Variants in TTC28 observed in about 807,000 individuals in gnomAD.
The protein encoded by TTC28 is tetratricopeptide repeat protein 28.
In TTC28, 61 loss-of-function variants were observed where a neutral mutation model predicts 198.0. The observed-to-expected ratio is 0.31, with a 90% CI of 0.25 to 0.38. The LOEUF (loss-of-function observed/expected upper bound fraction) is 0.38, where lower values mean the gene tolerates loss of function less well. Among genes scored for constraint, TTC28 ranks in the 10% least tolerant of loss-of-function variants. The probability of loss-of-function intolerance (pLI) is 1.00; values close to 1 mark genes in which losing one functional copy is unlikely to be tolerated. For missense variants in TTC28, 2,678 were observed against 3,164.0 expected, an observed-to-expected ratio of 0.85 and a Z score of 3.69; for synonymous variants, 1,171 against 1,297.8, an observed-to-expected ratio of 0.90 and a Z score of 2.10.
chr22:28,411,579 T>C (rs1013638602), intron 2 of TTC28, among the ~76,000 whole-genome samples: 2 of 152,174 alleles, frequency 1.3e-5, no homozygotes, highest in African/African-American at 4.8e-5. Flanking sequence ...AACTACATCC[T>C]TTCCAAAAAG....
chr22:28,631,541 T>A (rs959228305), intron 1 of TTC28, among the ~76,000 whole-genome samples: 4 of 152,178 alleles, frequency 2.6e-5, no homozygotes, highest in Admixed American at 1.3e-4. Flanking sequence ...TGGGTTTTTT[T>A]GAGACAGGGT....
intron 2 of TTC28, among the ~76,000 whole-genome samples, chr22:28,524,816 A>T (rs1404416275): frequency 6.6e-6 from 1 of 152,200 alleles, no homozygotes; most frequent in Non-Finnish European, 1.5e-5. Flanking sequence ...GGTGATGAAA[A>T]TATAAATTCA....
intron 14 of TTC28, among the ~76,000 whole-genome samples, chr22:28,011,365 G>GCC (rs1938155320): frequency 6.6e-6 from 1 of 152,194 alleles, no homozygotes; most frequent in African/African-American, 2.4e-5. Context: ...GGAAGCCAAA[G>GCC]CAGATGGATT....
chr22:28,317,605 G>C (rs1374029313), intron 2 of TTC28, among the ~76,000 whole-genome samples: 8 of 152,028 alleles, frequency 5.3e-5, no homozygotes, highest in Non-Finnish European at 1.0e-4. Context: ...ATGCTATTTA[G>C]GGCAAGAACC....
rs2046057559 is a variant in TTC28 at position 28,355,234 on chromosome 22, A to G, written c.382-48591T>C. Among the ~76,000 whole-genome samples the G allele has an allele frequency of 2.0e-5, 3 of 152,058 alleles. 1 individual carries two copies. The South Asian group carries it at 6.2e-4, about 31-fold the overall frequency. ...TCTACTTGCCCTTATTTAAATGAAC[A>G]CTATGGAGGAAAATATTTCTAAAAA... On this transcript the variant is annotated intron_variant, in intron 2 of 22. Coordinates refer to ENST00000397906, the MANE Select transcript of TTC28 (RefSeq NM_001145418.2).
chr22:28,511,456 T>C (rs200657531), intron 2 of TTC28, among the ~76,000 whole-genome samples: 1 of 152,216 alleles, frequency 6.6e-6, no homozygotes, highest in African/African-American at 2.4e-5. Flanking sequence ...GCTAGCCATA[T>C]GCAGAAAATT....
intron 2 of TTC28, among the ~76,000 whole-genome samples, chr22:28,444,613 C>T (rs925983229): frequency 2.6e-5 from 4 of 152,138 alleles, no homozygotes; most frequent in Non-Finnish European, 5.9e-5. Context: ...GAAGGTCTTA[C>T]AGTTCCATTT....
intron 2 of TTC28, among the ~76,000 whole-genome samples, chr22:28,608,395 G>A (rs1185846624): frequency 6.6e-6 from 1 of 152,186 alleles, no homozygotes; most frequent in Admixed American, 6.5e-5. Context: ...TAACTCAGAG[G>A]TAGCTGTGTG....
chr22:28,601,805 C>CACAG (rs2050643027), intron 2 of TTC28, among the ~76,000 whole-genome samples: 1 of 151,348 alleles, frequency 6.6e-6, no homozygotes, highest in Admixed American at 6.6e-5. Flanking sequence ...CACACACACA[C>CACAG]ACACACACAC....
chr22:28,271,575 C>G (rs1237050593), intron 5 of TTC28, among the ~76,000 whole-genome samples: 1 of 152,074 alleles, frequency 6.6e-6, no homozygotes, highest in South Asian at 2.1e-4. Flanking sequence ...TTTCCCCACA[C>G]TGTTCTTGTG....
intron 12 of TTC28, among the ~76,000 whole-genome samples, chr22:28,036,083 G>C (rs1254262315): frequency 1.3e-5 from 2 of 152,090 alleles, no homozygotes; most frequent in South Asian, 4.2e-4. Flanking sequence ...ACAGATCAAC[G>C]AGACAGAAGG....
intron 5 of TTC28, among the ~76,000 whole-genome samples, chr22:28,271,178 C>T (rs1211066858): frequency 2.6e-5 from 4 of 150,956 alleles, no homozygotes; most frequent in African/African-American, 9.8e-5. Flanking sequence ...TCAGGCAACT[C>T]TCAACACCTT....
intron 2 of TTC28, among the ~76,000 whole-genome samples, chr22:28,339,035 T>C (rs1178153615): frequency 6.6e-6 from 1 of 152,182 alleles, no homozygotes; most frequent in Non-Finnish European, 1.5e-5. Context: ...ATGATGCTGA[T>C]GTACAGATGG....
chr22:28,001,227 C>T, intron 15 of TTC28, 147 bp downstream of exon 15: 1 of 1,075,870 alleles, frequency 9.3e-7, no homozygotes, highest in Non-Finnish European at 1.3e-6. Context: ...ACTCTAAAGT[C>T]ACGCTACCTG....
At chr22:28,011,992 C>G (rs1410847251) in intron 14 of TTC28, among the ~76,000 whole-genome samples, 2 of 152,158 alleles carry the variant, frequency 1.3e-5, no homozygotes, top group Non-Finnish European at 2.9e-5. Context: ...CAGGCAAAGG[C>G]CTCAGAAGGC....
intron 2 of TTC28, among the ~76,000 whole-genome samples, chr22:28,437,676 T>G (rs1241002107): frequency 6.6e-6 from 1 of 152,152 alleles, no homozygotes; most frequent in Non-Finnish European, 1.5e-5. Flanking sequence ...CACTGCAGCC[T>G]CAACCTACTG....
intron 6 of TTC28, among the ~76,000 whole-genome samples, chr22:28,130,097 AC>A (rs1475664211): frequency 1.3e-5 from 2 of 152,188 alleles, no homozygotes; most frequent in Admixed American, 1.3e-4. Flanking sequence ...CAAGCTTAAA[AC>A]CTACAAAAGA....
At chr22:28,083,909 C>G (rs1174805284) in intron 12 of TTC28, among the ~76,000 whole-genome samples, 1 of 152,236 alleles carries the variant, frequency 6.6e-6, no homozygotes. Context: ...GAGCCTCGCT[C>G]ATTGCTAGCA....
At chr22:28,484,266 C>A (rs925700130) in intron 2 of TTC28, among the ~76,000 whole-genome samples, 6 of 152,050 alleles carry the variant, frequency 3.9e-5, no homozygotes, top group Non-Finnish European at 7.4e-5. Context: ...TGCTACCATG[C>A]CAGGCTAATT....
Sources: gnomAD v4.1 joint callset for allele counts (sites outside exome capture counted in the v4.1 genomes callset) on GRCh38, gnomAD v4.1.1 for gene constraint, MANE v1.5 for transcripts, NCBI Gene and HGNC (gene_info 2026-07-23, HGNC 2026-07-21) for gene names.